The following ECPAS variants were observed in gnomAD, a reference collection of about 807,000 sequenced individuals.
ECPAS encodes proteasome adapter and scaffold protein ECM29.
ECPAS carries 70 observed loss-of-function variants against 255.1 expected under a neutral mutation model. The observed-to-expected ratio is 0.27, with a 90% CI of 0.23 to 0.33. The LOEUF is 0.33. ECPAS is among the 10% of genes least tolerant of loss of function. ECPAS has a pLI of 1.00. For missense variants in ECPAS, 1,817 were observed against 2,206.4 expected, an observed-to-expected ratio of 0.82 and a Z score of 3.54; for synonymous variants, 784 against 775.0, an observed-to-expected ratio of 1.01 and a Z score of -0.19.
intron 35 of ECPAS, among the ~76,000 whole-genome samples, chr9:111,381,218 G>C (rs946111610): frequency 6.6e-6 from 1 of 152,134 alleles, no homozygotes; most frequent in Non-Finnish European, 1.5e-5. Context: ...TTTAGACAGA[G>C]GGCATTGTGG....
At chr9:111,447,872 C>T (rs1490229533) in intron 3 of ECPAS, among the ~76,000 whole-genome samples, 1 of 152,064 alleles carries the variant, frequency 6.6e-6, no homozygotes, top group Non-Finnish European at 1.5e-5. Context: ...TAAAGCATCC[C>T]TTTTCCCTTG....
intron 37 of ECPAS, among the ~76,000 whole-genome samples, chr9:111,375,914 C>G (rs7037999): frequency 0.028 from 4,260 of 152,198 alleles, 208 homozygotes; most frequent in African/African-American, 0.096. Flanking sequence ...AACTAATTTC[C>G]AGTAAACACA....
chr9:111,445,237 C>T (rs760429699), intron 3 of ECPAS, among the ~76,000 whole-genome samples: 3 of 149,278 alleles, frequency 2.0e-5, no homozygotes, highest in Non-Finnish European at 4.5e-5. Flanking sequence ...TCAAGCAATC[C>T]GCCCACCTCG....
chr9:111,367,978 G>C (rs754235843), intron 46 of ECPAS, among the ~76,000 whole-genome samples: 1 of 150,504 alleles, frequency 6.6e-6, no homozygotes. Context: ...GGAGGTAAAG[G>C]CTGCAAGAAC....
Position 111,407,428 on chromosome 9 carries a change from A to AAAAAAAAAAAAAAAAAAAAAAAAAAG in ECPAS, c.2652+1142_2652+1143insCTTTTTTTTTTTTTTTTTTTTTTTTT, listed in dbSNP as rs751687233. ...GAAAAAAAAAAAAAAAAAAAAAAAA[A>AAAAAAAAAAAAAAAAAAAAAAAAAAG]AAAAAAAAAACCTAGAAGAAACCCA... On this transcript the variant is annotated intron_variant, in intron 24 of 49. Transcript: ENST00000684092. 9.1e-5 allele frequency among the ~76,000 whole-genome samples: 9 copies of AAAAAAAAAAAAAAAAAAAAAAAAAAG among 98,824 alleles called. 1 individual carries two copies. The highest frequency in any genetic ancestry group is 2.1e-4 in the Non-Finnish European group (8 of 38,758). The allele number at this position is 98,824 out of a possible 152,430, so 64.8% of individuals were successfully genotyped here. A position where few individuals can be genotyped will look rare whatever the true frequency, so the allele number is the denominator to read the frequency against.
intron 13 of ECPAS, 34 bp downstream of exon 13, chr9:111,423,159 TACCAAC>T (rs1428921772): frequency 7.0e-7 from 1 of 1,419,518 alleles, no homozygotes; most frequent in Non-Finnish European, 9.6e-7. Flanking sequence ...TTTCTCTGTT[TACCAAC>T]ACCATATCTC....
chr9:111,465,241 A>G (rs1025190558), intron 2 of ECPAS, among the ~76,000 whole-genome samples: 2 of 150,536 alleles, frequency 1.3e-5, no homozygotes, highest in Admixed American at 1.3e-4. Context: ...ATAAATGTTA[A>G]TAAGATTACT....
At chr9:111,426,629 G>C (rs1446110810) in intron 10 of ECPAS, among the ~76,000 whole-genome samples, 3 of 151,582 alleles carry the variant, frequency 2.0e-5, no homozygotes, top group Non-Finnish European at 2.9e-5. Context: ...GCTAGGACGG[G>C]AGGATCACTT....
chr9:111,471,852 T>G (rs956763236), intron 2 of ECPAS, among the ~76,000 whole-genome samples: 1 of 152,010 alleles, frequency 6.6e-6, no homozygotes, highest in African/African-American at 2.4e-5. Flanking sequence ...CCTAAAATCA[T>G]GACACTTTGG....
intron 2 of ECPAS, among the ~76,000 whole-genome samples, chr9:111,461,598 G>A (rs1206818833): frequency 6.6e-6 from 1 of 152,220 alleles, no homozygotes; most frequent in East Asian, 1.9e-4. Flanking sequence ...GGTTTAAACA[G>A]AGGTGTCACT....
At chr9:111,375,755 G>A (rs2098132715) in intron 37 of ECPAS, among the ~76,000 whole-genome samples, 1 of 151,900 alleles carries the variant, frequency 6.6e-6, no homozygotes, top group African/African-American at 2.4e-5. Context: ...AACATTCTTA[G>A]ACCAAATTTT....
chr9:111,481,681 A>C (rs2132140671), intron 1 of ECPAS, among the ~76,000 whole-genome samples: 1 of 152,336 alleles, frequency 6.6e-6, no homozygotes, highest in Non-Finnish European at 1.5e-5. Flanking sequence ...CCAATAGCTA[A>C]AATGTGGAAG....
chr9:111,382,010 CA>C (rs35451286), intron 35 of ECPAS, among the ~76,000 whole-genome samples: 1 of 45,896 alleles, frequency 2.2e-5, no homozygotes, highest in African/African-American at 8.4e-5. Flanking sequence ...TTTTGTAAAA[CA>C]CACACACACA....
chr9:111,444,043 T>C (rs1022212163), intron 4 of ECPAS, among the ~76,000 whole-genome samples: 1 of 152,196 alleles, frequency 6.6e-6, no homozygotes, highest in African/African-American at 2.4e-5. Flanking sequence ...CCAAGCCGTA[T>C]AACATTTCCC....
At position 111,472,819 on chromosome 9, in the gene ECPAS, T is replaced by G. The variant is rs2098290631; in HGVS notation, c.22+78A>C. ...AAACATGAAGATCTTGGGGGGAAAT[T>G]GCTACCTGATAACCTATGCATTTTT... On this transcript the variant is annotated intron_variant, in intron 2 of 49. Coordinates refer to ENST00000684092, the MANE Select transcript of ECPAS (RefSeq NM_001364929.1). 5 of 306,538 alleles carry G rather than the reference T, an allele frequency of 1.6e-5. No homozygotes were observed. The South Asian group carries it at 2.1e-4, about 13-fold the overall frequency. The allele number at this position is 306,538 out of a possible 1,614,324, so 19.0% of individuals were successfully genotyped here. A position where few individuals can be genotyped will look rare whatever the true frequency, so the allele number is the denominator to read the frequency against.
chr9:111,373,387 C>T lies in ECPAS; in HGVS notation c.4197G>A (p.Leu1399=). Residue 1399 remains leucine, a synonymous_variant, in exon 40 of 50, where the codon TTG becomes TTA. Coordinates refer to ENST00000684092, the MANE Select transcript of ECPAS (RefSeq NM_001364929.1). ...TPYSGKLMSA[L]LSGLTDRNSV... ...TGTTCCGATCTGTCAGGCCACTCAG[C>T]AAAGCACTCATAAGTTTACCTACCA... is the stretch of plus-strand genomic sequence containing the variant. 6.2e-7 allele frequency: 1 copy of T among 1,613,760 alleles called. No individual in the cohort carries two copies. The highest frequency in any genetic ancestry group is 2.2e-5 in the East Asian group (1 of 44,864).
chr9:111,437,773 C>T (rs1589197639), intron 6 of ECPAS, among the ~76,000 whole-genome samples: 2 of 152,124 alleles, frequency 1.3e-5, no homozygotes, highest in South Asian at 2.1e-4. Flanking sequence ...ATCCCTATTT[C>T]ATTTTAGCTT....
intron 9 of ECPAS, among the ~76,000 whole-genome samples, chr9:111,429,251 G>A (rs2098226254): frequency 6.6e-6 from 1 of 151,356 alleles, no homozygotes; most frequent in Non-Finnish European, 1.5e-5. Context: ...GTAAAGCTGA[G>A]TTTTATTCTC....
At chr9:111,432,387 G>A (rs540251783) in intron 8 of ECPAS, among the ~76,000 whole-genome samples, 36 of 152,332 alleles carry the variant, frequency 2.4e-4, no homozygotes, top group South Asian at 8.3e-4. Flanking sequence ...GCCAAGCTGC[G>A]TGGATCACCT....
Sources: allele counts gnomAD v4.1 joint callset (sites outside exome capture counted in the v4.1 genomes callset), GRCh38; gene constraint gnomAD v4.1.1; transcripts MANE v1.5; gene names NCBI Gene and HGNC (gene_info 2026-07-23, HGNC 2026-07-21).